Variants in RASGEF1C observed in about 807,000 individuals in gnomAD.
RASGEF1C encodes ras-GEF domain-containing family member 1C.
A neutral mutation model predicts 58.1 loss-of-function variants in RASGEF1C; 27 were observed. That is an observed-to-expected ratio of 0.46 (90% CI 0.34 to 0.64). RASGEF1C has a LOEUF of 0.64. Among genes scored for constraint, RASGEF1C ranks in the 30% least tolerant of loss-of-function variants. RASGEF1C has a pLI of 0.01. For missense variants in RASGEF1C, 502 were observed against 605.1 expected, an observed-to-expected ratio of 0.83 and a Z score of 1.79; for synonymous variants, 243 against 246.3, an observed-to-expected ratio of 0.99 and a Z score of 0.13.
At chr5:180,134,781 CA>C (rs1373915745) in intron 4 of RASGEF1C, among the ~76,000 whole-genome samples, 5 of 61,518 alleles carry the variant, frequency 8.1e-5, no homozygotes, top group African/African-American at 2.3e-4. Context: ...CAGTGACCCC[CA>C]ACCCCCCAAC....
At chr5:180,171,258 A>G (rs1412692821) in intron 1 of RASGEF1C, among the ~76,000 whole-genome samples, 2 of 151,868 alleles carry the variant, frequency 1.3e-5, no homozygotes, top group Non-Finnish European at 2.9e-5. Context: ...TCTGCTTGGG[A>G]GGATCTGGAA....
At chr5:180,181,730 G>A (rs889803886) in intron 1 of RASGEF1C, among the ~76,000 whole-genome samples, 2 of 152,188 alleles carry the variant, frequency 1.3e-5, no homozygotes, top group Non-Finnish European at 2.9e-5. Context: ...ACACATTTCC[G>A]TTGTTTTAAG....
At chr5:180,190,730 T>C (rs1418208424) in intron 1 of RASGEF1C, among the ~76,000 whole-genome samples, 1 of 151,854 alleles carries the variant, frequency 6.6e-6, no homozygotes, top group Non-Finnish European at 1.5e-5. Flanking sequence ...CCTACAACTA[T>C]AAAGTTTCTA....
rs563087785 is a variant in RASGEF1C, at chr5:180,191,502, G to C, written c.-7+17526C>G. On this transcript the variant is annotated intron_variant, in intron 1 of 13. Coordinates refer to ENST00000361132, the MANE Select transcript of RASGEF1C (RefSeq NM_175062.4). ...CTCCCAAGTAGCTGGGACTACAGGC[G>C]CCCGCCACCACGGCCGGCTGATTTT... Among the ~76,000 whole-genome samples, 4 of 152,226 alleles carry C rather than the reference G, an allele frequency of 2.6e-5. No homozygotes were observed. In the East Asian group the frequency reaches 5.8e-4, roughly 22 times the overall value.
intron 4 of RASGEF1C, among the ~76,000 whole-genome samples, chr5:180,131,251 T>C (rs777938336): frequency 3.3e-5 from 5 of 152,144 alleles, no homozygotes; most frequent in Non-Finnish European, 7.4e-5. Flanking sequence ...GGCGTGACTC[T>C]GAGGCTCCGA....
chr5:180,198,283 C>T lies in RASGEF1C; in HGVS notation c.-7+10745G>A, dbSNP rs748260386. ...ATTTCTGAAAGTCAAAGACACATGT[C>T]GGGTGCCCAAGAAGGGAAGAAAGTG... On this transcript the variant is annotated intron_variant, in intron 1 of 13. Transcript: ENST00000361132. This position sits in a 1 kb window ranked among gnomAD's most constrained non-coding sequence, Gnocchi z 4.5. Among the ~76,000 whole-genome samples, 13 of 152,288 alleles carry T rather than the reference C, an allele frequency of 8.5e-5. No individual in the cohort carries two copies. Among genetic ancestry groups the T allele is most frequent in the Middle Eastern group, 6.8e-3 (2 of 294 alleles).
intron 4 of RASGEF1C, among the ~76,000 whole-genome samples, chr5:180,133,758 G>A (rs2113273204): frequency 6.6e-6 from 1 of 151,590 alleles, no homozygotes; most frequent in East Asian, 1.9e-4. Context: ...GGACAGAGGA[G>A]TGCATGGTAA....
Position 180,128,418 on chromosome 5 carries a change from C to T in RASGEF1C, c.631G>A (p.Val211Met), listed in dbSNP as rs553759260. Reference sequence around the variant, plus strand: ...GGTTTGGGCCGGCTTACCAGTTCCACGTGGGTCAGCTGCTGGGCCAGTGTG... The same window carrying T: ...GGTTTGGGCCGGCTTACCAGTTCCATGTGGGTCAGCTGCTGGGCCAGTGTG... ...PYTLAQQLTH[V>M]ELERLRHIGP... Residue 211 changes from valine to methionine, a missense_variant, in exon 5 of 14, where the codon GTG (valine) becomes ATG (methionine). Transcript: ENST00000361132. 4 of 1,613,498 alleles carry T rather than the reference C, an allele frequency of 2.5e-6. No homozygotes were observed. Among genetic ancestry groups the T allele is most frequent in the Admixed American group, 1.7e-5 (1 of 60,026 alleles).
chr5:180,142,072 G>A (rs886243528), intron 1 of RASGEF1C, among the ~76,000 whole-genome samples: 4 of 152,154 alleles, frequency 2.6e-5, no homozygotes, highest in Admixed American at 6.5e-5. Flanking sequence ...AATGATGCAC[G>A]TGACAAAGGG....
At chr5:180,147,347 G>A (rs1766673846) in intron 1 of RASGEF1C, among the ~76,000 whole-genome samples, 1 of 150,938 alleles carries the variant, frequency 6.6e-6, no homozygotes, top group South Asian at 2.1e-4. Context: ...TGCTAGCTTT[G>A]GGTTTAGTTT....
intron 1 of RASGEF1C, among the ~76,000 whole-genome samples, chr5:180,146,305 G>A (rs1766659226): frequency 1.3e-5 from 2 of 152,048 alleles, no homozygotes; most frequent in South Asian, 4.1e-4. Flanking sequence ...ACCACACCCG[G>A]CTCATTTTGT....
At chr5:180,203,075 T>TCCAGCC (rs1756425052) in intron 1 of RASGEF1C, among the ~76,000 whole-genome samples, 1 of 152,076 alleles carries the variant, frequency 6.6e-6, no homozygotes, top group Non-Finnish European at 1.5e-5. Flanking sequence ...TGGGAAAACT[T>TCCAGCC]TGGCAAAAAT....
intron 1 of RASGEF1C, among the ~76,000 whole-genome samples, chr5:180,172,103 C>T (rs1209496206): frequency 6.6e-6 from 1 of 152,232 alleles, no homozygotes; most frequent in Admixed American, 6.5e-5. Flanking sequence ...ATAAATAGAT[C>T]TGTGTGTTCT....
At chr5:180,182,027 C>T (rs1767341542) in intron 1 of RASGEF1C, among the ~76,000 whole-genome samples, 1 of 151,506 alleles carries the variant, frequency 6.6e-6, no homozygotes, top group Middle Eastern at 3.2e-3. Flanking sequence ...CACGGTGAAA[C>T]CCCGTCTCTA....
intron 12 of RASGEF1C, among the ~76,000 whole-genome samples, chr5:180,105,225 A>C (rs2113234368): frequency 6.6e-6 from 1 of 152,270 alleles, no homozygotes; most frequent in South Asian, 2.1e-4. Flanking sequence ...TAACGGAAGC[A>C]CTTTACAGCT....
At chr5:180,171,077 C>T (rs139810833) in intron 1 of RASGEF1C, among the ~76,000 whole-genome samples, 166 of 152,290 alleles carry the variant, frequency 1.1e-3, no homozygotes, top group African/African-American at 3.7e-3. Flanking sequence ...GTGTGAGACG[C>T]GTGCAGCCAG....
chr5:180,136,878 T>C (rs529709770), intron 3 of RASGEF1C: 129 of 246,186 alleles, frequency 5.2e-4, no homozygotes, highest in Admixed American at 1.1e-3. Flanking sequence ...TGCACAGTGA[T>C]TGGCTCACAG....
chr5:180,169,325 C>T (rs532489696), intron 1 of RASGEF1C, among the ~76,000 whole-genome samples: 42 of 152,262 alleles, frequency 2.8e-4, no homozygotes, highest in African/African-American at 8.4e-4. Flanking sequence ...ACAGGCCATC[C>T]ACACTCCCAC....
At chr5:180,164,369 AAAAAT>A (rs1188832411) in intron 1 of RASGEF1C, among the ~76,000 whole-genome samples, 2 of 152,204 alleles carry the variant, frequency 1.3e-5, no homozygotes, top group East Asian at 3.8e-4. Flanking sequence ...GTTTCTTCTC[AAAAAT>A]AAAAGATTTT....
Sources: allele counts gnomAD v4.1 joint callset (sites outside exome capture counted in the v4.1 genomes callset), GRCh38; gene constraint gnomAD v4.1.1; non-coding constraint Gnocchi (gnomAD v3.1); transcripts MANE v1.5; gene names NCBI Gene and HGNC (gene_info 2026-07-23, HGNC 2026-07-21).